Variants in KCNN2 observed in about 807,000 individuals in gnomAD.
The protein encoded by KCNN2 is small conductance calcium-activated potassium channel protein 2.
A neutral mutation model predicts 55.5 loss-of-function variants in KCNN2; 24 were observed. That is an observed-to-expected ratio of 0.43 (90% CI 0.31 to 0.61). The LOEUF is 0.61. Among genes scored for constraint, KCNN2 ranks in the 20% least tolerant of loss-of-function variants. The probability of loss-of-function intolerance (pLI) is 0.08; values close to 1 mark genes in which losing one functional copy is unlikely to be tolerated. For missense variants in KCNN2, 754 were observed against 853.6 expected, an observed-to-expected ratio of 0.88 and a Z score of 1.45; for synonymous variants, 431 against 336.1, an observed-to-expected ratio of 1.28 and a Z score of -3.09.
chr5:114,061,148 A>C (rs1445639757), intron 1 of KCNN2, among the ~76,000 whole-genome samples: 2 of 152,234 alleles, frequency 1.3e-5, no homozygotes, highest in Non-Finnish European at 2.9e-5. Flanking sequence ...ATGGGGATGC[A>C]GTGATGACTA....
At chr5:114,414,211 C>T (rs1250809569) in intron 3 of KCNN2, among the ~76,000 whole-genome samples, 2 of 151,976 alleles carry the variant, frequency 1.3e-5, no homozygotes, top group African/African-American at 4.8e-5. Flanking sequence ...CCTTTACATG[C>T]CATAAAAAAA....
intron 2 of KCNN2, among the ~76,000 whole-genome samples, chr5:114,390,305 A>G (rs1358226004): frequency 6.6e-6 from 1 of 152,148 alleles, no homozygotes; most frequent in Non-Finnish European, 1.5e-5. Context: ...TGATTTAATG[A>G]TACATACCAA....
chr5:114,246,621 A>T (rs929649468), intron 2 of KCNN2, among the ~76,000 whole-genome samples: 1 of 152,164 alleles, frequency 6.6e-6, no homozygotes, highest in Non-Finnish European at 1.5e-5. Flanking sequence ...CTGTACCTTT[A>T]TTTAAGGCCA....
At chr5:114,330,645 A>G (rs1756801688) in intron 2 of KCNN2, among the ~76,000 whole-genome samples, 1 of 150,402 alleles carries the variant, frequency 6.6e-6, no homozygotes, top group Admixed American at 6.7e-5. Context: ...CTCTTCCTGG[A>G]GCACACTGCT....
At chr5:114,302,183 G>C (rs1330173670) in intron 2 of KCNN2, among the ~76,000 whole-genome samples, 1 of 152,112 alleles carries the variant, frequency 6.6e-6, no homozygotes, top group South Asian at 2.1e-4. Context: ...TTTTTGTACT[G>C]TTGAACTTAG....
intron 1 of KCNN2, 71 bp downstream of exon 1, chr5:114,363,332 A>T: frequency 6.9e-7 from 1 of 1,456,840 alleles, no homozygotes; most frequent in Non-Finnish European, 9.1e-7. Context: ...ACTGGCGGGG[A>T]CCCTTTGCGT....
intron 2 of KCNN2, among the ~76,000 whole-genome samples, chr5:114,248,390 T>C (rs1432282382): frequency 6.6e-6 from 1 of 152,128 alleles, no homozygotes; most frequent in African/African-American, 2.4e-5. Flanking sequence ...CAATGTAAAA[T>C]GTATATTGAC....
At chr5:114,094,231 T>TA (rs34221637) in intron 1 of KCNN2, among the ~76,000 whole-genome samples, 27,425 of 152,058 alleles carry the variant, frequency 0.18, 2,634 homozygotes, top group African/African-American at 0.23. Flanking sequence ...TGACACTCTT[T>TA]ACCTGCCCTG....
rs1044786215 is a variant in KCNN2 at position 114,242,205 on chromosome 5, T to C, written c.-185+20640T>C. Among the ~76,000 whole-genome samples, 6 of 152,106 alleles carry C rather than the reference T, an allele frequency of 3.9e-5. No homozygotes were observed. The South Asian group carries it at 8.3e-4, about 21-fold the overall frequency. On this transcript the variant is annotated intron_variant, in intron 2 of 10. Coordinates refer to the KCNN2 transcript ENST00000512097. ...TATGATCTCTGCTTTCCATGGCTGCTCTCTATGCAAACATCCTTGTAAAGA... is the reference window on the plus strand; with the variant it reads ...TATGATCTCTGCTTTCCATGGCTGCCCTCTATGCAAACATCCTTGTAAAGA...
intron 2 of KCNN2, among the ~76,000 whole-genome samples, chr5:114,385,812 G>T (rs944169810): frequency 6.6e-6 from 1 of 151,586 alleles, no homozygotes; most frequent in African/African-American, 2.4e-5. Flanking sequence ...CACAACAGTG[G>T]GTAATTGTTC....
chr5:114,380,072 C>T (rs1345067798), intron 2 of KCNN2, among the ~76,000 whole-genome samples: 2 of 150,302 alleles, frequency 1.3e-5, no homozygotes, highest in Admixed American at 6.7e-5. Context: ...TATTTTAGTC[C>T]CATCTTAAGC....
chr5:114,405,887 T>A (rs1208754626), intron 3 of KCNN2, among the ~76,000 whole-genome samples: 1 of 151,990 alleles, frequency 6.6e-6, no homozygotes, highest in Non-Finnish European at 1.5e-5. Flanking sequence ...ATTTTTTGTA[T>A]TTTTAGTAGA....
At chr5:114,266,698 A>G (rs1755213007) in intron 2 of KCNN2, among the ~76,000 whole-genome samples, 1 of 152,172 alleles carries the variant, frequency 6.6e-6, no homozygotes, top group African/African-American at 2.4e-5. Context: ...TCTACAAAAG[A>G]TTGAGCCAAA....
At chr5:114,301,744 A>G (rs1756165907) in intron 2 of KCNN2, among the ~76,000 whole-genome samples, 1 of 152,168 alleles carries the variant, frequency 6.6e-6, no homozygotes, top group South Asian at 2.1e-4. Flanking sequence ...AAACTTACAG[A>G]AGACTGTAGG....
intron 1 of KCNN2, among the ~76,000 whole-genome samples, chr5:114,199,519 G>T (rs1193812697): frequency 6.6e-6 from 1 of 151,576 alleles, no homozygotes; most frequent in Admixed American, 6.6e-5. Context: ...TTGTCTTTTT[G>T]TTTTGTGATT....
intron 1 of KCNN2, among the ~76,000 whole-genome samples, chr5:114,202,075 T>A (rs1753683956): frequency 6.6e-6 from 1 of 152,122 alleles, no homozygotes. Flanking sequence ...TGGGGGCACC[T>A]GTTCTCTTCC....
At chr5:114,102,352 A>G (rs984413441) in intron 1 of KCNN2, among the ~76,000 whole-genome samples, 2 of 151,100 alleles carry the variant, frequency 1.3e-5, no homozygotes, top group African/African-American at 4.9e-5. Flanking sequence ...TGTCAGATGG[A>G]TAGATTGCAA....
At chr5:114,384,631 A>G (rs918115325) in intron 2 of KCNN2, among the ~76,000 whole-genome samples, 10 of 152,214 alleles carry the variant, frequency 6.6e-5, no homozygotes, top group African/African-American at 2.2e-4. Context: ...GCTCCAGGGA[A>G]AGATCTCTGG....
In KCNN2 at chr5:114,362,700, C is replaced by G; in HGVS notation, c.561C>G (p.His187Gln). Residue 187 changes from histidine to glutamine, a missense_variant, in exon 1 of 8, where the codon CAC (histidine) becomes CAG (glutamine). Transcript: ENST00000673685. ...GSGPPLSHHHHHPHPAHHQHH... is the reference protein window; with the variant it reads ...GSGPPLSHHHQHPHPAHHQHH... ...GGCCCCCGCTCTCGCACCACCACCA[C>G]CACCCGCACCCGGCGCACCACCAGC... 6.7e-7 allele frequency: 1 copy of G among 1,484,830 alleles called. No individual in the cohort carries two copies. Among genetic ancestry groups the G allele is most frequent in the Admixed American group, 2.4e-5 (1 of 41,534 alleles). The allele number at this position is 1,484,830 out of a possible 1,614,324, so 92.0% of individuals were successfully genotyped here.
Sources: allele counts gnomAD v4.1 joint callset (sites outside exome capture counted in the v4.1 genomes callset), GRCh38; gene constraint gnomAD v4.1.1; transcripts MANE v1.5; gene names NCBI Gene and HGNC (gene_info 2026-07-23, HGNC 2026-07-21).